Variants in DCAF17 observed in about 807,000 individuals in gnomAD.
DCAF17 encodes DDB1 and CUL4 associated factor 17, also known as DDB1- and CUL4-associated factor 17.
In DCAF17, 48 loss-of-function variants were observed where a neutral mutation model predicts 66.0. The ratio of observed to expected loss-of-function variants is 0.73; its 90% CI spans 0.58 to 0.92. The LOEUF (loss-of-function observed/expected upper bound fraction) is 0.92. DCAF17 is among the 40% of genes least tolerant of loss of function. The probability of loss-of-function intolerance (pLI) is 0.00; values close to 1 mark genes in which losing one functional copy is unlikely to be tolerated. For synonymous variants in DCAF17, 206 were observed against 214.6 expected (o/e 0.96, Z 0.35); for missense variants, 562 against 622.8 (o/e 0.90, Z 1.04).
Position 171,458,379 on chromosome 2 carries a change from A to G in DCAF17, c.740A>G (p.Gln247Arg). The G allele has an allele frequency of 6.2e-7, 1 of 1,613,974 alleles. No homozygotes were observed. The highest frequency in any genetic ancestry group is 8.5e-7 in the Non-Finnish European group (1 of 1,179,894). Residue 247 changes from glutamine (Q) to arginine (R), a missense_variant, in exon 8 of 14, where the codon CAA becomes CGA. Physicochemically the swap from Gln to Arg is conservative, Grantham distance 43 (BLOSUM62 1). Coordinates refer to ENST00000375255, the MANE Select transcript of DCAF17 (RefSeq NM_025000.4). ...GTTTTGTTTTGTTTTTAGTTCATGC[A>G]ACAGAAACTTGACTTAGGGTGTGCA... ...SFQTIAEQFM[Q>R]QKLDLGCACR... is the part of the protein sequence containing the mutation.
At chr2:171,468,182 C>T (rs899022721) in intron 8 of DCAF17, among the ~76,000 whole-genome samples, 5 of 151,974 alleles carry the variant, frequency 3.3e-5, no homozygotes, top group African/African-American at 1.2e-4. Flanking sequence ...AAAAATTTCT[C>T]TTGGTGCTTT....
chr2:171,477,185 CCTTTT>C lies in DCAF17; in HGVS notation c.1182+236_1182+240del, dbSNP rs67351517. ...TGATTTCCGCTTCTTTTCTGAGTTT[CCTTTT>C]AAGTTTTTATTGATGAATTATCAAC... On this transcript the variant is annotated intron_variant, in intron 11 of 13. Transcript: ENST00000375255. Among the ~76,000 whole-genome samples, 1,562 of 152,188 alleles carry C rather than the reference CCTTTT, an allele frequency of 0.01. 29 individuals carry two copies. The highest frequency in any genetic ancestry group is 0.036 in the African/African-American group (1,483 of 41,508).
chr2:171,444,537 A>G (rs541476501), intron 3 of DCAF17, among the ~76,000 whole-genome samples: 1 of 152,344 alleles, frequency 6.6e-6, no homozygotes, highest in Non-Finnish European at 1.5e-5. Flanking sequence ...TCCCATCCCC[A>G]AGATACCTCA....
chr2:171,452,365 G>A (rs1695003654), intron 5 of DCAF17, among the ~76,000 whole-genome samples: 1 of 151,916 alleles, frequency 6.6e-6, no homozygotes, highest in Non-Finnish European at 1.5e-5. Context: ...AAGTAAGGAG[G>A]CTATCCTTTT....
rs1696527068 is a variant in DCAF17, at chr2:171,476,951, G to A, written c.1182+1G>A. ...TTTGGCCAACAGGGAGAACCATAAA[G>A]TAAGTCAAGAGTACTTTAAAATCCT... On this transcript the variant is annotated splice_donor_variant, in intron 11 of 13. Transcript: ENST00000375255. LOFTEE classifies it high-confidence loss of function. 3 of 1,606,282 alleles carry A rather than the reference G, an allele frequency of 1.9e-6. No individual in the cohort carries two copies. The highest frequency in any genetic ancestry group is 1.7e-6 in the Non-Finnish European group (2 of 1,173,280).
chr2:171,466,982 T>A (rs1695941619), intron 8 of DCAF17, among the ~76,000 whole-genome samples: 1 of 152,130 alleles, frequency 6.6e-6, no homozygotes, highest in South Asian at 2.1e-4. Flanking sequence ...TTTATATTTT[T>A]TATTGCTTAA....
At chr2:171,453,266 A>G (rs1205145653) in intron 6 of DCAF17, 53 bp downstream of exon 6, 3 of 1,285,924 alleles carry the variant, frequency 2.3e-6, no homozygotes, top group Non-Finnish European at 3.3e-6. Context: ...ATAAGTTGTA[A>G]TGTCATTATT....
intron 4 of DCAF17, among the ~76,000 whole-genome samples, chr2:171,449,504 T>C (rs1574341722): frequency 6.6e-6 from 1 of 152,218 alleles, no homozygotes; most frequent in Non-Finnish European, 1.5e-5. Flanking sequence ...TAACTATTAG[T>C]TTTATAAATT....
intron 3 of DCAF17, among the ~76,000 whole-genome samples, chr2:171,444,788 A>G (rs1284010323): frequency 6.6e-6 from 1 of 152,212 alleles, no homozygotes; most frequent in African/African-American, 2.4e-5. Context: ...TTTTTAAAGG[A>G]TAAGAGGCTG....
At chr2:171,461,705 C>T (rs534109627) in intron 8 of DCAF17, among the ~76,000 whole-genome samples, 13 of 152,228 alleles carry the variant, frequency 8.5e-5, no homozygotes, top group Admixed American at 3.3e-4. Flanking sequence ...TTTAACTGTA[C>T]AGTTTGAGTT....
rs142546653 is a variant in DCAF17 at position 171,443,831 on chromosome 2, AT to A, written c.321+226del. The stretch of plus-strand genomic sequence containing the variant: ...TGAATGTGTTTTTAAAATTAGATAG[AT>A]TTTTTTTAGATCCTGAAAACTAAAA... On this transcript the variant is annotated intron_variant, in intron 3 of 13. Transcript: ENST00000375255. 0.031 allele frequency among the ~76,000 whole-genome samples: 4,758 copies of A among 152,090 alleles called. 83 individuals carry two copies. Among genetic ancestry groups the A allele is most frequent in the East Asian group, 0.051 (266 of 5,188 alleles).
chr2:171,457,350 AG>A (rs1447688492), intron 6 of DCAF17, among the ~76,000 whole-genome samples: 2 of 152,138 alleles, frequency 1.3e-5, no homozygotes, highest in African/African-American at 4.8e-5. Flanking sequence ...TGTATTTCCA[AG>A]GTAATTGGAC....
Position 171,485,007 on chromosome 2 carries a change from G to A in DCAF17, c.*3893G>A. On this transcript the variant is annotated 3_prime_UTR_variant, in exon 14 of 14. Coordinates refer to ENST00000375255, the MANE Select transcript of DCAF17 (RefSeq NM_025000.4). ...GATGGACACTGGGCTCTTTCTGCTT[G>A]TTTTTTACTGTTATGAATAAAGCTG... is the stretch of plus-strand genomic sequence containing the variant. The A allele has an allele frequency of 2.2e-6, 1 of 453,854 alleles. No individual in the cohort carries two copies. The highest frequency in any genetic ancestry group is 1.6e-5 in the South Asian group (1 of 64,440). The allele number at this position is 453,854 out of a possible 1,614,324, so 28.1% of individuals were successfully genotyped here. A position where few individuals can be genotyped will look rare whatever the true frequency, so the allele number is the denominator to read the frequency against.
Position 171,481,736 on chromosome 2 carries a change from G to C in DCAF17, c.*622G>C. 1 of 453,710 alleles carries C rather than the reference G, an allele frequency of 2.2e-6. No homozygotes were observed. The highest frequency in any genetic ancestry group is 4.4e-6 in the Non-Finnish European group (1 of 226,660). 28.1% of individuals were successfully genotyped at this position (453,710 alleles called of 1,614,324 possible). A position where few individuals can be genotyped will look rare whatever the true frequency, so the allele number is the denominator to read the frequency against. On this transcript the variant is annotated 3_prime_UTR_variant, in exon 14 of 14. Transcript: ENST00000375255. Reference sequence around the variant, plus strand: ...TTTTCTTCCTTGGTTTTGTTCTCTTGGCTTGATGTTCACATTGAATATTTG... The same window carrying C: ...TTTTCTTCCTTGGTTTTGTTCTCTTCGCTTGATGTTCACATTGAATATTTG...
At chr2:171,477,083 C>T in intron 11 of DCAF17, 133 bp downstream of exon 11, 1 of 692,320 alleles carries the variant, frequency 1.4e-6, no homozygotes, top group Non-Finnish European at 2.5e-6. Flanking sequence ...TACATTTTGT[C>T]TACATGGGTA....
intron 1 of DCAF17, 163 bp from the exon 2 acceptor site, chr2:171,434,920 T>A: frequency 9.6e-7 from 1 of 1,042,394 alleles, no homozygotes; most frequent in Non-Finnish European, 1.4e-6. Flanking sequence ...ACAATTATTC[T>A]AAAAGTTGGT....
At chr2:171,479,457 G>T (rs529657436) in intron 12 of DCAF17, among the ~76,000 whole-genome samples, 1 of 152,276 alleles carries the variant, frequency 6.6e-6, no homozygotes, top group South Asian at 2.1e-4. Context: ...GTCCTGTTCT[G>T]TGGGTTGGAT....
chr2:171,482,837 T>C lies in DCAF17; in HGVS notation c.*1723T>C, dbSNP rs745526404. The C allele has an allele frequency of 2.9e-5, 13 of 454,092 alleles. No homozygotes were observed. Among genetic ancestry groups the C allele is most frequent in the South Asian group, 2.0e-4 (13 of 64,476 alleles). The allele number at this position is 454,092 out of a possible 1,614,324, so 28.1% of individuals were successfully genotyped here. A position where few individuals can be genotyped will look rare whatever the true frequency, so the allele number is the denominator to read the frequency against. The stretch of plus-strand genomic sequence containing the variant: ...GATGGTGGAATACTTCTGGTCTAGA[T>C]ATAACTTACCACTAAGAAACCCCCA... On this transcript the variant is annotated 3_prime_UTR_variant, in exon 14 of 14. Transcript: ENST00000375255.
chr2:171,442,495 C>T (rs1306094575), intron 2 of DCAF17, among the ~76,000 whole-genome samples: 3 of 139,750 alleles, frequency 2.1e-5, no homozygotes, highest in East Asian at 4.6e-4. Context: ...ACCTGGGAAG[C>T]GGAGGTTGCA....
Sources: gnomAD v4.1 joint callset for allele counts (sites outside exome capture counted in the v4.1 genomes callset) on GRCh38, gnomAD v4.1.1 for gene constraint, MANE v1.5 for transcripts, NCBI Gene and HGNC (gene_info 2026-07-23, HGNC 2026-07-21) for gene names.